CDH18: variants seen among roughly 807,000 people sequenced by gnomAD.
CDH18 encodes the protein cadherin-18.
In CDH18, 31 loss-of-function variants were observed where a neutral mutation model predicts 67.9. The observed-to-expected ratio is 0.46, with a 90% CI of 0.34 to 0.62. The LOEUF (loss-of-function observed/expected upper bound fraction) is 0.62, where lower values mean the gene tolerates loss of function less well. Ranked by LOEUF, CDH18 falls within the 20% of genes least tolerant of loss-of-function variation. The pLI is 0.01. For missense variants in CDH18, 890 were observed against 975.5 expected (o/e 0.91, Z 1.17); for synonymous variants, 362 against 347.2 (o/e 1.04, Z -0.48).
Position 20,145,446 on chromosome 5 carries a change from T to C in CDH18, c.-518+109998A>G, listed in dbSNP as rs925396219. 4.6e-5 allele frequency among the ~76,000 whole-genome samples: 7 copies of C among 152,334 alleles called. No individual in the cohort carries two copies. In the East Asian group the frequency reaches 1.4e-3, roughly 29 times the overall value. ...TAACGTTACCCTGCATGACTAATCATTGTAAAATCTTTACAGTCTCATTTT... is the reference window on the plus strand; with the variant it reads ...TAACGTTACCCTGCATGACTAATCACTGTAAAATCTTTACAGTCTCATTTT... On this transcript the variant is annotated intron_variant, in intron 2 of 14. Transcript: ENST00000507958.
intron 2 of CDH18, among the ~76,000 whole-genome samples, chr5:20,052,755 A>G (rs1430554427): frequency 6.6e-6 from 1 of 152,112 alleles, no homozygotes; most frequent in Non-Finnish European, 1.5e-5. Context: ...AATAGAGAAA[A>G]GTTTCCCATC....
upstream of CDH18, among the ~76,000 whole-genome samples, chr5:19,990,859 C>G (rs1035476373): frequency 9.9e-5 from 15 of 152,174 alleles, no homozygotes; most frequent in African/African-American, 3.6e-4. Flanking sequence ...AGGTGGTAGG[C>G]AGGTGCTTGT....
intron 1 of CDH18, among the ~76,000 whole-genome samples, chr5:20,480,406 G>A (rs1487747614): frequency 2.0e-5 from 3 of 151,892 alleles, no homozygotes; most frequent in African/African-American, 4.8e-5. Context: ...ATGCTAAAGT[G>A]TAGAGTCTTT....
At chr5:19,834,152 A>ATTT (rs36060099) in intron 3 of CDH18, among the ~76,000 whole-genome samples, 2 of 143,680 alleles carry the variant, frequency 1.4e-5, no homozygotes, top group Non-Finnish European at 3.0e-5. Context: ...TGGTCCTGGG[A>ATTT]TTTTTTTTTT....
intron 2 of CDH18, among the ~76,000 whole-genome samples, chr5:20,233,078 A>C (rs539524080): frequency 6.6e-6 from 1 of 151,776 alleles, no homozygotes; most frequent in East Asian, 1.9e-4. Context: ...GAAACTCAGA[A>C]CATTTTCCTC....
rs77836947 is a variant in CDH18 at position 20,168,633 on chromosome 5, A to T, written c.-518+86811T>A. Among the ~76,000 whole-genome samples the T allele has an allele frequency of 5.7e-3, 866 of 152,226 alleles. 9 individuals carry two copies. The highest frequency in any genetic ancestry group is 0.02 in the African/African-American group (830 of 41,534). ...ATATAAAAATAGAATGACACTACAG[A>T]TTATAGAAAAGTGCACTGGCATATG... is the stretch of plus-strand genomic sequence containing the variant. On this transcript the variant is annotated intron_variant, in intron 2 of 14. Coordinates refer to the CDH18 transcript ENST00000507958.
chr5:19,644,970 T>C (rs141740568), intron 5 of CDH18, among the ~76,000 whole-genome samples: 161 of 152,324 alleles, frequency 1.1e-3, no homozygotes, highest in African/African-American at 3.8e-3. Flanking sequence ...CTTAATCCTA[T>C]GTGATTGTGA....
At chr5:20,065,902 C>G (rs1425614165) in intron 2 of CDH18, among the ~76,000 whole-genome samples, 1 of 151,938 alleles carries the variant, frequency 6.6e-6, no homozygotes. Flanking sequence ...GCAATCCTCA[C>G]AGTGTTTAAC....
intron 2 of CDH18, among the ~76,000 whole-genome samples, chr5:19,965,397 G>T (rs1405969474): frequency 6.6e-6 from 1 of 152,032 alleles, no homozygotes; most frequent in African/African-American, 2.4e-5. Flanking sequence ...CTCTAAATCT[G>T]AACTTTGCTG....
chr5:19,717,254 TA>T (rs558885941), intron 5 of CDH18, among the ~76,000 whole-genome samples: 2 of 152,048 alleles, frequency 1.3e-5, no homozygotes, highest in Non-Finnish European at 2.9e-5. Flanking sequence ...TGACTTAAAT[TA>T]GATGCACTAA....
intron 1 of CDH18, among the ~76,000 whole-genome samples, chr5:20,393,279 C>T (rs958082370): frequency 1.3e-5 from 2 of 151,892 alleles, no homozygotes; most frequent in African/African-American, 4.8e-5. Flanking sequence ...ATAAGCCTCA[C>T]TTTTGCTCAA....
intron 2 of CDH18, among the ~76,000 whole-genome samples, chr5:20,189,433 A>G (rs1738362001): frequency 6.6e-6 from 1 of 152,126 alleles, no homozygotes; most frequent in Non-Finnish European, 1.5e-5. Context: ...TCAAATGATA[A>G]CAATAGTTAA....
intron 2 of CDH18, among the ~76,000 whole-genome samples, chr5:19,875,427 G>GATAGATCGATCT (rs1561488540): frequency 6.7e-5 from 10 of 149,532 alleles, no homozygotes; most frequent in Non-Finnish European, 1.3e-4. Context: ...TAGATAGATA[G>GATAGATCGATCT]ATAGATAGAT....
At chr5:19,872,804 G>T (rs1786473937) in intron 2 of CDH18, among the ~76,000 whole-genome samples, 1 of 152,150 alleles carries the variant, frequency 6.6e-6, no homozygotes, top group Non-Finnish European at 1.5e-5. Flanking sequence ...ACACAAAATA[G>T]AAAATTAATA....
intron 1 of CDH18, among the ~76,000 whole-genome samples, chr5:20,295,264 T>C (rs890210845): frequency 6.6e-6 from 1 of 152,184 alleles, no homozygotes; most frequent in African/African-American, 2.4e-5. Flanking sequence ...ACCATAGACC[T>C]TCACATCTCT....
At chr5:20,517,656 T>C (rs1755462680) in intron 1 of CDH18, among the ~76,000 whole-genome samples, 1 of 151,924 alleles carries the variant, frequency 6.6e-6, no homozygotes, top group African/African-American at 2.4e-5. Flanking sequence ...TCTTATAAGG[T>C]TTTTACGGGT....
At chr5:19,575,408 T>C (rs1395507176) in intron 7 of CDH18, among the ~76,000 whole-genome samples, 4 of 152,212 alleles carry the variant, frequency 2.6e-5, no homozygotes. Context: ...ACAACTCCTG[T>C]CCTTTTTCAA....
intron 8 of CDH18, among the ~76,000 whole-genome samples, chr5:19,564,216 G>A (rs754657935): frequency 9.2e-5 from 14 of 152,182 alleles, no homozygotes; most frequent in Non-Finnish European, 1.6e-4. Flanking sequence ...TGGATCTGGA[G>A]TGCAGGTGAC....
At chr5:20,087,405 C>T (rs529999226) in intron 2 of CDH18, among the ~76,000 whole-genome samples, 1 of 152,016 alleles carries the variant, frequency 6.6e-6, no homozygotes. Flanking sequence ...TAATTGACTC[C>T]AATTTAGAAA....
Sources: allele counts gnomAD v4.1 joint callset (sites outside exome capture counted in the v4.1 genomes callset), GRCh38; gene constraint gnomAD v4.1.1; transcripts MANE v1.5; gene names NCBI Gene and HGNC (gene_info 2026-07-23, HGNC 2026-07-21).